SCTR: variants seen among roughly 807,000 people sequenced by gnomAD.
SCTR encodes the protein pancreatic secretin receptor.
In SCTR, 56 loss-of-function variants were observed where a neutral mutation model predicts 60.8. The ratio of observed to expected loss-of-function variants is 0.92; its 90% CI spans 0.74 to 1.15. SCTR has a LOEUF of 1.15. SCTR is among the 50% of genes most tolerant of loss of function. SCTR has a pLI of 0.00. For missense variants in SCTR, 562 were observed against 550.4 expected (o/e 1.02, Z -0.21); for synonymous variants, 202 against 217.0 (o/e 0.93, Z 0.61).
chr2:119,474,936 T>C (rs1573856923), intron 3 of SCTR, among the ~76,000 whole-genome samples: 1 of 152,254 alleles, frequency 6.6e-6, no homozygotes, highest in South Asian at 2.1e-4. Context: ...CAGATCTGAG[T>C]CTGAAACCCA....
intron 1 of SCTR, among the ~76,000 whole-genome samples, chr2:119,519,810 C>CAAAAA (rs71396064): frequency 1.9e-4 from 11 of 57,832 alleles, no homozygotes; most frequent in South Asian, 7.1e-4. Flanking sequence ...GACTCTGTCT[C>CAAAAA]AAAAAAAAAA....
intron 10 of SCTR, 53 bp downstream of exon 10, chr2:119,448,636 G>T: frequency 2.1e-6 from 2 of 965,704 alleles, no homozygotes; most frequent in Non-Finnish European, 3.4e-6. Flanking sequence ...AACAGTAGGT[G>T]CTCAGTAAAT....
chr2:119,491,106 A>G (rs936018853), intron 2 of SCTR, among the ~76,000 whole-genome samples: 10 of 152,112 alleles, frequency 6.6e-5, no homozygotes, highest in African/African-American at 2.4e-4. Flanking sequence ...TCCAGTCCCA[A>G]TGATCATATC....
At chr2:119,467,206 C>T (rs1394065301) in intron 4 of SCTR, among the ~76,000 whole-genome samples, 2 of 151,952 alleles carry the variant, frequency 1.3e-5, no homozygotes, top group East Asian at 1.9e-4. Context: ...TGGAGAAACC[C>T]TGTCTCTACC....
chr2:119,505,696 G>A (rs1678716783), intron 1 of SCTR, among the ~76,000 whole-genome samples: 1 of 148,614 alleles, frequency 6.7e-6, no homozygotes, highest in African/African-American at 2.5e-5. Context: ...TCACACACCG[G>A]GGCCTGTTGT....
At chr2:119,463,024 G>A (rs1683679180) in intron 6 of SCTR, among the ~76,000 whole-genome samples, 1 of 151,974 alleles carries the variant, frequency 6.6e-6, no homozygotes, top group African/African-American at 2.4e-5. Context: ...GAGAGACATG[G>A]ATCCTACCTG....
At chr2:119,503,938 A>T (rs1008376803) in intron 1 of SCTR, among the ~76,000 whole-genome samples, 1 of 152,216 alleles carries the variant, frequency 6.6e-6, no homozygotes, top group Non-Finnish European at 1.5e-5. Context: ...ATTTTTCTGT[A>T]TACCTAATTC....
At chr2:119,472,304 A>C (rs1253510956) in intron 4 of SCTR, among the ~76,000 whole-genome samples, 1 of 152,128 alleles carries the variant, frequency 6.6e-6, no homozygotes, top group African/African-American at 2.4e-5. Context: ...GCCCGAGGGG[A>C]GTCTCAAAGG....
intron 2 of SCTR, among the ~76,000 whole-genome samples, chr2:119,483,509 T>C (rs1424736644): frequency 6.6e-6 from 1 of 152,074 alleles, no homozygotes; most frequent in East Asian, 1.9e-4. Flanking sequence ...TGCCTTGTTC[T>C]CTCCCAGCCC....
At chr2:119,488,192 G>C (rs1030149296) in intron 2 of SCTR, among the ~76,000 whole-genome samples, 2 of 152,236 alleles carry the variant, frequency 1.3e-5, no homozygotes, top group Non-Finnish European at 2.9e-5. Context: ...CACTGCAGAA[G>C]GTCACTATGC....
chr2:119,523,823 C>A (rs1418203176), intron 1 of SCTR, among the ~76,000 whole-genome samples: 1 of 152,150 alleles, frequency 6.6e-6, no homozygotes, highest in Non-Finnish European at 1.5e-5. Flanking sequence ...AGGCAAAGCG[C>A]CCAGGACACA....
intron 4 of SCTR, 95 bp downstream of exon 4, chr2:119,473,358 C>G (rs1677106591): frequency 1.2e-6 from 1 of 810,136 alleles, no homozygotes; most frequent in Non-Finnish European, 2.1e-6. Context: ...CAGGCCTGTG[C>G]CACCCTGTCC....
At chr2:119,489,333 T>A (rs1339857908) in intron 2 of SCTR, among the ~76,000 whole-genome samples, 1 of 152,156 alleles carries the variant, frequency 6.6e-6, no homozygotes, top group Non-Finnish European at 1.5e-5. Flanking sequence ...CACTCTCTCC[T>A]TGGGGCCAGC....
chr2:119,516,657 A>G (rs1679126136), intron 1 of SCTR, among the ~76,000 whole-genome samples: 1 of 152,202 alleles, frequency 6.6e-6, no homozygotes, highest in Non-Finnish European at 1.5e-5. Context: ...CATGAAGACT[A>G]TAGTTAATAA....
At chr2:119,507,677 T>TTA (rs765384074) in intron 1 of SCTR, among the ~76,000 whole-genome samples, 3 of 127,428 alleles carry the variant, frequency 2.4e-5, no homozygotes, top group East Asian at 3.3e-4. Flanking sequence ...TTTTTTTTTT[T>TTA]TTCTTTTTTT....
intron 1 of SCTR, among the ~76,000 whole-genome samples, chr2:119,502,823 CAAA>C (rs776111469): frequency 3.6e-5 from 3 of 83,798 alleles, no homozygotes; most frequent in Middle Eastern, 9.3e-3. Flanking sequence ...GAGACCTCGT[CAAA>C]AAAAAAAAAA....
intron 1 of SCTR, among the ~76,000 whole-genome samples, chr2:119,506,403 G>A (rs1029258343): frequency 6.6e-6 from 1 of 152,148 alleles, no homozygotes; most frequent in Non-Finnish European, 1.5e-5. Context: ...AGAAGCTAAT[G>A]CGAAGAAATT....
At chr2:119,506,142 C>T (rs766655237) in intron 1 of SCTR, among the ~76,000 whole-genome samples, 17 of 152,152 alleles carry the variant, frequency 1.1e-4, no homozygotes, top group Non-Finnish European at 2.4e-4. Flanking sequence ...CATGCAACTA[C>T]GACAGTCCTG....
intron 1 of SCTR, among the ~76,000 whole-genome samples, chr2:119,516,066 C>T (rs1463006293): frequency 6.6e-6 from 1 of 152,178 alleles, no homozygotes; most frequent in African/African-American, 2.4e-5. Context: ...GGGGTGAGAA[C>T]AAGTGCTAAC....
Sources: allele counts gnomAD v4.1 joint callset (sites outside exome capture counted in the v4.1 genomes callset), GRCh38; gene constraint gnomAD v4.1.1; transcripts MANE v1.5; gene names NCBI Gene and HGNC (gene_info 2026-07-23, HGNC 2026-07-21).